Variants in SATL1 observed in about 807,000 individuals in gnomAD.
SATL1 encodes spermidine/spermine N(1)-acetyltransferase-like protein 1.
A neutral mutation model predicts 51.8 loss-of-function variants in SATL1; 47 were observed. The ratio of observed to expected loss-of-function variants is 0.91; its 90% CI spans 0.72 to 1.16. The LOEUF (loss-of-function observed/expected upper bound fraction) is 1.16. SATL1 is among the 50% of genes most tolerant of loss of function. The probability of loss-of-function intolerance (pLI) is 0.00; values close to 1 mark genes in which losing one functional copy is unlikely to be tolerated. For synonymous variants in SATL1, 176 were observed against 182.4 expected (o/e 0.97, Z 0.28); for missense variants, 520 against 526.4 (o/e 0.99, Z 0.12).
In SATL1 at chrX:85,198,596, A is replaced by C. The variant is rs111484812; in HGVS notation, c.-313+25609T>G. Among the ~76,000 whole-genome samples, 900 of 110,867 alleles carry C rather than the reference A, an allele frequency of 8.1e-3. 10 individuals are homozygous for C. The highest frequency in any genetic ancestry group is 0.028 in the African/African-American group (844 of 30,501). On this transcript the variant is annotated intron_variant, in intron 2 of 7. Transcript: ENST00000644105. ...TGGTCAATGATGTTGAGTACCTTTAAATTTTTTTATTTTAATTTTTGTGGG... is the reference window on the plus strand; with the variant it reads ...TGGTCAATGATGTTGAGTACCTTTACATTTTTTTATTTTAATTTTTGTGGG...
chrX:85,183,561 T>C (rs1452790208), intron 2 of SATL1, among the ~76,000 whole-genome samples: 3 of 111,505 alleles, frequency 2.7e-5, no homozygotes, highest in Non-Finnish European at 5.7e-5. Flanking sequence ...TGGGGTCTTT[T>C]GTGCCACCAT....
In SATL1 at chrX:85,107,313, T is replaced by TA. The variant is rs1925070716; in HGVS notation, c.1641+14dup. On this transcript the variant is annotated intron_variant, in intron 3 of 7. Coordinates refer to ENST00000644105, the MANE Select transcript of SATL1 (RefSeq NM_001367857.2). ...ACCAATGCCATGAGGCTCCATGTAA[T>TA]AAAAATAGGCTTACTTTAATCAGTC... 3 of 1,192,399 alleles carry TA rather than the reference T, an allele frequency of 2.5e-6. No individual in the cohort carries two copies. Among genetic ancestry groups the TA allele is most frequent in the Non-Finnish European group, 3.4e-6 (3 of 880,037 alleles).
chrX:85,152,535 C>G (rs1162623248), intron 2 of SATL1, among the ~76,000 whole-genome samples: 1 of 111,324 alleles, frequency 9.0e-6, no homozygotes, highest in African/African-American at 3.3e-5. Context: ...TATTGCGGCA[C>G]TATTCACAAT....
intron 2 of SATL1, among the ~76,000 whole-genome samples, chrX:85,158,966 A>C (rs1926654407): frequency 8.9e-6 from 1 of 111,841 alleles, no homozygotes; most frequent in Non-Finnish European, 1.9e-5. Context: ...AATAATATCT[A>C]ATTATTTAAA....
chrX:85,114,773 A>G (rs1432431558), intron 2 of SATL1, among the ~76,000 whole-genome samples: 1 of 112,561 alleles, frequency 8.9e-6, no homozygotes, highest in African/African-American at 3.2e-5. Flanking sequence ...TTAGTGTACT[A>G]TTGATGTCAA....
At chrX:85,161,499 A>G (rs184202296) in intron 2 of SATL1, among the ~76,000 whole-genome samples, 1 of 110,364 alleles carries the variant, frequency 9.1e-6, no homozygotes, top group African/African-American at 3.3e-5. Context: ...AAAAAAACAG[A>G]AAAAGCAGGG....
chrX:85,138,379 G>A (rs999661360), intron 2 of SATL1, among the ~76,000 whole-genome samples: 1 of 112,023 alleles, frequency 8.9e-6, no homozygotes, highest in African/African-American at 3.2e-5. Context: ...CTTAAATAGA[G>A]TCTGAGTCTT....
rs1272207496 is a variant in SATL1, at chrX:85,108,907, T to A, written c.62A>T (p.Gln21Leu). 1 of 1,211,460 alleles carries A rather than the reference T, an allele frequency of 8.3e-7. No individual in the cohort carries two copies. The highest frequency in any genetic ancestry group is 2.2e-5 in the Admixed American group (1 of 46,007). Residue 21 changes from glutamine to leucine, a missense_variant, in exon 3 of 8, where the codon CAG becomes CTG. Gln to Leu is a moderately radical substitution (Grantham distance 113, BLOSUM62 -2). Coordinates refer to ENST00000644105, the MANE Select transcript of SATL1 (RefSeq NM_001367857.2). ...LSDSNQAGIN[Q>L]PSTNSLGMNQ... ...CATACCAAGTGAGTTTGTGCTTGGC[T>A]GGTTTATGCCTGCTTGGTTCGAGTC...
chrX:85,114,079 G>A (rs1178010574), intron 2 of SATL1, among the ~76,000 whole-genome samples: 1 of 111,762 alleles, frequency 8.9e-6, no homozygotes, highest in Non-Finnish European at 1.9e-5. Context: ...ATTACTAGTG[G>A]CTCTAATTTT....
chrX:85,241,093 C>T (rs1712443690), intron 1 of SATL1, among the ~76,000 whole-genome samples: 3 of 110,926 alleles, frequency 2.7e-5, no homozygotes, highest in Admixed American at 1.9e-4. Flanking sequence ...TTTTGAGTGT[C>T]ATTTTGTATT....
intron 2 of SATL1, among the ~76,000 whole-genome samples, chrX:85,154,936 G>T (rs1268148056): frequency 1.8e-5 from 2 of 111,535 alleles, no homozygotes; most frequent in African/African-American, 6.5e-5. Flanking sequence ...TACCCTCTAT[G>T]CAGTATAAAG....
intron 1 of SATL1, among the ~76,000 whole-genome samples, chrX:85,242,272 G>A (rs920683012): frequency 8.9e-6 from 1 of 112,093 alleles, no homozygotes; most frequent in East Asian, 2.8e-4. Flanking sequence ...AGTAGTATTT[G>A]CCAGACTATC....
At chrX:85,227,328 C>T (rs1402606373) in intron 1 of SATL1, among the ~76,000 whole-genome samples, 1 of 111,657 alleles carries the variant, frequency 9.0e-6, no homozygotes, top group African/African-American at 3.2e-5. Context: ...TTAAAGCAAT[C>T]CAAACAAAAC....
chrX:85,150,165 C>T (rs1454290088), intron 2 of SATL1, among the ~76,000 whole-genome samples: 6 of 111,339 alleles, frequency 5.4e-5, no homozygotes, highest in Non-Finnish European at 1.1e-4. Flanking sequence ...TACAAACTAC[C>T]ATCAGAGAAT....
intron 7 of SATL1, 82 bp from the exon 8 acceptor site, chrX:85,092,643 C>T: frequency 1.1e-6 from 1 of 897,843 alleles, no homozygotes; most frequent in African/African-American, 2.0e-5. Context: ...TGAAGGTCTA[C>T]TCTATGCAAG....
At position 85,094,822 on chromosome X, in the gene SATL1, G is replaced by T. The variant is rs770418811; in HGVS notation, c.1774+94C>A. ...ACTGGGTTTATACACATTCTCTTCT[G>T]CTTAATAGTAATTATATGCTACAAA... On this transcript the variant is annotated intron_variant, in intron 5 of 7. Coordinates refer to ENST00000644105, the MANE Select transcript of SATL1 (RefSeq NM_001367857.2). 87 of 569,099 alleles carry T rather than the reference G, an allele frequency of 1.5e-4. No homozygotes were observed. The African/African-American group carries it at 1.7e-3, about 11-fold the overall frequency. 46.9% of individuals were successfully genotyped at this position (569,099 alleles called of 1,213,427 possible).
chrX:85,159,981 G>C lies in SATL1; in HGVS notation c.-312-50701C>G, dbSNP rs779816251. Reference sequence around the variant, plus strand: ...GAGCACATAGGCCCCCACCATCACAGTGTGTTCTTAAACTTAAAGAGCCAG... The same window carrying C: ...GAGCACATAGGCCCCCACCATCACACTGTGTTCTTAAACTTAAAGAGCCAG... On this transcript the variant is annotated intron_variant, in intron 2 of 7. Transcript: ENST00000644105. Among the ~76,000 whole-genome samples the C allele has an allele frequency of 2.7e-5, 3 of 111,050 alleles. No individual in the cohort carries two copies. In the South Asian group the frequency reaches 1.2e-3, roughly 43 times the overall value.
intron 2 of SATL1, among the ~76,000 whole-genome samples, chrX:85,182,836 A>G (rs1232156147): frequency 9.0e-6 from 1 of 111,647 alleles, no homozygotes; most frequent in Non-Finnish European, 1.9e-5. Flanking sequence ...CCTGATGATT[A>G]GTGATGTTGA....
intron 2 of SATL1, among the ~76,000 whole-genome samples, chrX:85,177,972 T>A (rs945714720): frequency 4.5e-5 from 5 of 111,719 alleles, no homozygotes; most frequent in Non-Finnish European, 7.6e-5. Context: ...CATCTTCAGA[T>A]GGGAAAGCAG....
Sources: gnomAD v4.1 joint callset for allele counts (sites outside exome capture counted in the v4.1 genomes callset) on GRCh38, gnomAD v4.1.1 for gene constraint, MANE v1.5 for transcripts, NCBI Gene and HGNC (gene_info 2026-07-23, HGNC 2026-07-21) for gene names.